Variants in PI15 observed in about 807,000 individuals in gnomAD.
PI15 encodes the protein peptidase inhibitor 15.
A neutral mutation model predicts 31.0 loss-of-function variants in PI15; 18 were observed. The observed-to-expected ratio is 0.58, with a 90% CI of 0.40 to 0.86. The LOEUF (loss-of-function observed/expected upper bound fraction) is 0.86. Ranked by LOEUF, PI15 falls within the 40% of genes least tolerant of loss-of-function variation. The pLI, the probability that PI15 is intolerant of heterozygous loss-of-function variation, is 0.00. For missense variants in PI15, 282 were observed against 328.1 expected (o/e 0.86, Z 1.09); for synonymous variants, 118 against 119.1 (o/e 0.99, Z 0.06).
At chr8:74,835,650 A>G (rs1810851986) in intron 2 of PI15, among the ~76,000 whole-genome samples, 1 of 152,200 alleles carries the variant, frequency 6.6e-6, no homozygotes, top group Non-Finnish European at 1.5e-5. Flanking sequence ...ACTATGGGTG[A>G]GCTATAGATA....
intron 2 of PI15, among the ~76,000 whole-genome samples, chr8:74,835,228 A>C (rs942783892): frequency 2.6e-5 from 4 of 152,150 alleles, no homozygotes; most frequent in South Asian, 4.1e-4. Flanking sequence ...TTGGATTTTC[A>C]GAAAGTTTCA....
At chr8:74,837,236 T>C (rs1810885222) in intron 2 of PI15, among the ~76,000 whole-genome samples, 1 of 152,168 alleles carries the variant, frequency 6.6e-6, no homozygotes, top group African/African-American at 2.4e-5. Context: ...TTGAAGGGAA[T>C]GCTTTTTAAA....
At chr8:74,847,580 T>A (rs923635143) in intron 5 of PI15, among the ~76,000 whole-genome samples, 2 of 152,154 alleles carry the variant, frequency 1.3e-5, no homozygotes, top group African/African-American at 4.8e-5. Context: ...GTATCAAAAT[T>A]ATGCAAGAGG....
intron 2 of PI15, among the ~76,000 whole-genome samples, 194 bp from the exon 3 acceptor site, chr8:74,843,787 C>T (rs1033702949): frequency 5.3e-5 from 8 of 152,072 alleles, no homozygotes; most frequent in African/African-American, 1.9e-4. Flanking sequence ...TTGCTTGACC[C>T]CGGGGAGGCA....
intron 3 of PI15, 36 bp from the exon 4 acceptor site, chr8:74,845,092 G>A: frequency 1.3e-6 from 2 of 1,582,600 alleles, no homozygotes. Flanking sequence ...TATTACCACT[G>A]CTGCACTCTG....
At chr8:74,827,062 G>A (rs578224124) in intron 2 of PI15, among the ~76,000 whole-genome samples, 3 of 152,142 alleles carry the variant, frequency 2.0e-5, no homozygotes, top group South Asian at 4.1e-4. Context: ...AGCTCAGAAA[G>A]GCATAATATC....
chr8:74,844,212 A>G, intron 3 of PI15, 113 bp downstream of exon 3: 1 of 716,474 alleles, frequency 1.4e-6, no homozygotes, highest in Admixed American at 2.0e-5. Flanking sequence ...TTGAATGCTC[A>G]CTATGTGTCA....
intron 2 of PI15, among the ~76,000 whole-genome samples, chr8:74,829,215 G>A (rs969286620): frequency 6.6e-6 from 1 of 151,938 alleles, no homozygotes; most frequent in Admixed American, 6.6e-5. Context: ...TATTATAAAT[G>A]TCTTAACAGA....
intron 2 of PI15, among the ~76,000 whole-genome samples, chr8:74,834,060 C>T (rs1810826979): frequency 6.6e-6 from 1 of 152,162 alleles, no homozygotes; most frequent in Admixed American, 6.5e-5. Flanking sequence ...GCTCTAAAGC[C>T]TGATGATCTG....
At chr8:74,837,995 T>A (rs547951656) in intron 2 of PI15, among the ~76,000 whole-genome samples, 6 of 152,294 alleles carry the variant, frequency 3.9e-5, no homozygotes, top group African/African-American at 1.4e-4. Context: ...GTTCTTTCCA[T>A]AAGTATAGCA....
intron 2 of PI15, among the ~76,000 whole-genome samples, chr8:74,827,600 A>G (rs1810718231): frequency 6.6e-6 from 1 of 152,164 alleles, no homozygotes; most frequent in African/African-American, 2.4e-5. Flanking sequence ...AGGATAATGA[A>G]TGGCACTGCT....
At chr8:74,831,489 G>GT (rs1810780358) in intron 2 of PI15, among the ~76,000 whole-genome samples, 1 of 152,090 alleles carries the variant, frequency 6.6e-6, no homozygotes, top group South Asian at 2.1e-4. Context: ...TGTGACTGTG[G>GT]TGCTCTGGGG....
intron 2 of PI15, among the ~76,000 whole-genome samples, chr8:74,826,968 A>T (rs930784397): frequency 1.3e-5 from 2 of 152,124 alleles, no homozygotes; most frequent in Non-Finnish European, 2.9e-5. Flanking sequence ...TTAGAAGGTG[A>T]TGTAAATATG....
At chr8:74,826,368 AG>A (rs960602589) in intron 2 of PI15, 1 of 664,046 alleles carries the variant, frequency 1.5e-6, no homozygotes, top group Non-Finnish European at 1.9e-6. Flanking sequence ...GGGTGAGGGG[AG>A]GGGGTACCAC....
intron 5 of PI15, among the ~76,000 whole-genome samples, chr8:74,847,908 A>C (rs575346792): frequency 2.6e-5 from 4 of 152,084 alleles, no homozygotes; most frequent in African/African-American, 9.6e-5. Flanking sequence ...CGATAACCAA[A>C]TTTTCTCCCG....
chr8:74,834,263 G>C (rs17292690), intron 2 of PI15, among the ~76,000 whole-genome samples: 65,690 of 151,980 alleles, frequency 0.43, 15,040 homozygotes, highest in African/African-American at 0.56. Context: ...TCCCTACATG[G>C]ATTTCATCTG....
chr8:74,843,632 G>A (rs1405681989), intron 2 of PI15, among the ~76,000 whole-genome samples: 1 of 152,160 alleles, frequency 6.6e-6, no homozygotes, highest in Admixed American at 6.5e-5. Context: ...GGGAGGCGGA[G>A]GCGGGTGAAT....
Position 74,845,464 on chromosome 8 carries a change from G to C in PI15, c.608G>C (p.Arg203Pro). 9 of 1,613,346 alleles carry C rather than the reference G, an allele frequency of 5.6e-6. No homozygotes were observed. Among genetic ancestry groups the C allele is most frequent in the Non-Finnish European group, 7.6e-6 (9 of 1,179,338 alleles). Reference sequence around the variant, plus strand: ...AATGTTTGGGGATCTGTGTGGCGACGTGCAGTTTACTTGGTATGCAACTAT... The same window carrying C: ...AATGTTTGGGGATCTGTGTGGCGACCTGCAGTTTACTTGGTATGCAACTAT... ...NMNVWGSVWR[R>P]AVYLVCNYAP... Residue 203 changes from arginine to proline, a missense_variant, in exon 5 of 6, where the codon CGT becomes CCT. Physicochemically the swap from Arg to Pro is moderately radical, Grantham distance 103. Transcript: ENST00000260113.
intron 2 of PI15, among the ~76,000 whole-genome samples, chr8:74,833,527 C>T (rs1243440222): frequency 6.6e-6 from 1 of 151,814 alleles, no homozygotes; most frequent in Non-Finnish European, 1.5e-5. Context: ...CTTCCGGCTG[C>T]CAGATAATGT....
Sources: gnomAD v4.1 joint callset for allele counts (sites outside exome capture counted in the v4.1 genomes callset) on GRCh38, gnomAD v4.1.1 for gene constraint, MANE v1.5 for transcripts, NCBI Gene and HGNC (gene_info 2026-07-23, HGNC 2026-07-21) for gene names.